COX16: variants seen among roughly 807,000 people sequenced by gnomAD.
COX16 encodes the protein cytochrome c oxidase assembly factor COX16.
In COX16, 12 loss-of-function variants were observed where a neutral mutation model predicts 15.4. The observed-to-expected ratio is 0.78, with a 90% CI of 0.50 to 1.26. The LOEUF (loss-of-function observed/expected upper bound fraction) is 1.26. COX16 is among the 50% of genes most tolerant of loss of function. The pLI is 0.00. For synonymous variants in COX16, 46 were observed against 41.1 expected (o/e 1.12, Z -0.46); for missense variants, 124 against 127.6 (o/e 0.97, Z 0.14).
chr14:70,357,740 A>G (rs1312251405), intron 1 of COX16, among the ~76,000 whole-genome samples: 1 of 152,226 alleles, frequency 6.6e-6, no homozygotes, highest in Non-Finnish European at 1.5e-5. Flanking sequence ...CAAAAGATGG[A>G]CAATAACAAG....
At chr14:70,334,888 C>T (rs2140697864) in intron 2 of COX16, among the ~76,000 whole-genome samples, 2 of 152,282 alleles carry the variant, frequency 1.3e-5, no homozygotes, top group South Asian at 4.2e-4. Context: ...GGACTACACT[C>T]TCCAGTTAGA....
At position 70,325,915 on chromosome 14, in the gene COX16, A is replaced by G. The variant is rs1886054267; in HGVS notation, c.*418T>C. On this transcript the variant is annotated 3_prime_UTR_variant, in exon 4 of 4. Coordinates refer to ENST00000389912, the MANE Select transcript of COX16 (RefSeq NM_016468.7). ...AGATATGAGAGAAAATTACTGCTTG[A>G]TTTTACTGTGAGAATTTGGATCCAG... 6.6e-6 allele frequency: 1 copy of G among 152,440 alleles called. No individual in the cohort carries two copies. The highest frequency in any genetic ancestry group is 6.5e-5 in the Admixed American group (1 of 15,292). 9.4% of individuals were successfully genotyped at this position (152,440 alleles called of 1,614,324 possible). A position where few individuals can be genotyped will look rare whatever the true frequency, so the allele number is the denominator to read the frequency against.
chr14:70,353,609 G>C (rs1049217170), intron 1 of COX16, among the ~76,000 whole-genome samples: 1 of 151,840 alleles, frequency 6.6e-6, no homozygotes, highest in East Asian at 1.9e-4. Flanking sequence ...CACCTCCCAG[G>C]CTCAAGTAAT....
intron 2 of COX16, among the ~76,000 whole-genome samples, chr14:70,333,593 A>G (rs1286399249): frequency 6.6e-6 from 1 of 152,216 alleles, no homozygotes; most frequent in Non-Finnish European, 1.5e-5. Flanking sequence ...CTATGGAACA[A>G]CATAAAAACA....
rs145108651 is a variant in COX16, at chr14:70,335,625, A to T, written c.142-6389T>A. On this transcript the variant is annotated intron_variant, in intron 2 of 3. Transcript: ENST00000389912. The stretch of plus-strand genomic sequence containing the variant: ...AGTTAAAAAAAAAAAAAAAGGACCA[A>T]ATTTTTAAAATTTATGGAAACAAAT... 1.3e-3 allele frequency among the ~76,000 whole-genome samples: 193 copies of T among 151,554 alleles called. 1 individual carries two copies. The highest frequency in any genetic ancestry group is 3.6e-3 in the African/African-American group (148 of 41,270).
chr14:70,344,167 C>T (rs1218216196), intron 1 of COX16, among the ~76,000 whole-genome samples: 1 of 152,218 alleles, frequency 6.6e-6, no homozygotes, highest in Non-Finnish European at 1.5e-5. Context: ...TTAGGTTTTA[C>T]AATAGCGATG....
Position 70,359,663 on chromosome 14 carries a change from C to A in COX16, c.-76G>T. 7.6e-7 allele frequency: 1 copy of A among 1,318,312 alleles called. No individual in the cohort carries two copies. Among genetic ancestry groups the A allele is most frequent in the Non-Finnish European group, 1.1e-6 (1 of 914,610 alleles). The allele number at this position is 1,318,312 out of a possible 1,614,324, so 81.7% of individuals were successfully genotyped here. On this transcript the variant is annotated 5_prime_UTR_variant, in exon 1 of 4. Transcript: ENST00000389912. The stretch of plus-strand genomic sequence containing the variant: ...CCCAAATCTCAGCAGCTCACGCTCT[C>A]ACCAAGACGAGTACGTCCTTAACTC...
chr14:70,326,388 T>C lies in COX16; in HGVS notation c.266A>G (p.Asp89Gly). 6.2e-7 allele frequency: 1 copy of C among 1,600,174 alleles called. No homozygotes were observed. The highest frequency in any genetic ancestry group is 8.5e-7 in the Non-Finnish European group (1 of 1,172,774). Residue 89 changes from aspartate (D) to glycine (G), a missense_variant, in exon 4 of 4, where the codon GAT becomes GGT. By Grantham distance (94) the Asp-to-Gly change is moderately conservative. Transcript: ENST00000389912. ...KNIRGPRPWE[D>G]PDLLQGRNPE... Reference sequence around the variant, plus strand: ...ATTTCTTCCTTGGAGGAGGTCAGGATCTTCCCAAGGCCTGGGTCCTCGAAT... The same window carrying C: ...ATTTCTTCCTTGGAGGAGGTCAGGACCTTCCCAAGGCCTGGGTCCTCGAAT...
In COX16 at chr14:70,325,610, T is replaced by C. The variant is rs528321754; in HGVS notation, c.*723A>G. 1 of 152,284 alleles carries C rather than the reference T, an allele frequency of 6.6e-6. No individual in the cohort carries two copies. The highest frequency in any genetic ancestry group is 6.5e-5 in the Admixed American group (1 of 15,296). 9.4% of individuals were successfully genotyped at this position (152,284 alleles called of 1,614,324 possible). On this transcript the variant is annotated 3_prime_UTR_variant, in exon 4 of 4. Transcript: ENST00000389912. ...AAAACAAAAACACTAGAGGGCAATTTTGCATGCAAATTATGCTAAGGCATA... is the reference window on the plus strand; with the variant it reads ...AAAACAAAAACACTAGAGGGCAATTCTGCATGCAAATTATGCTAAGGCATA...
chr14:70,351,771 GAAT>G (rs1397744664), intron 1 of COX16, among the ~76,000 whole-genome samples: 1 of 152,014 alleles, frequency 6.6e-6, no homozygotes, highest in Non-Finnish European at 1.5e-5. Flanking sequence ...ATGATTTCTG[GAAT>G]AATGTCACAG....
chr14:70,329,083 C>T (rs567584260), intron 3 of COX16, 91 bp downstream of exon 3: 31 of 1,196,252 alleles, frequency 2.6e-5, no homozygotes, highest in South Asian at 7.2e-5. Flanking sequence ...ATATATTCAA[C>T]GTAATTTTTT....
intron 1 of COX16, among the ~76,000 whole-genome samples, chr14:70,354,762 G>T (rs879152292): frequency 6.6e-6 from 1 of 152,010 alleles, no homozygotes; most frequent in Non-Finnish European, 1.5e-5. Context: ...ACCTGAGGGG[G>T]TGGCTTAAAC....
At chr14:70,341,599 A>G (rs1886625406) in intron 2 of COX16, among the ~76,000 whole-genome samples, 1 of 152,188 alleles carries the variant, frequency 6.6e-6, no homozygotes, top group South Asian at 2.1e-4. Context: ...GACCTTAGCC[A>G]ACTTAGATAA....
At chr14:70,329,278 T>C (rs1261458815) in intron 2 of COX16, 42 bp from the exon 3 acceptor site, 1 of 1,558,066 alleles carries the variant, frequency 6.4e-7, no homozygotes, top group African/African-American at 1.4e-5. Context: ...CTAAGTCTGT[T>C]TGTTAGACTC....
intron 2 of COX16, among the ~76,000 whole-genome samples, chr14:70,339,122 G>A (rs1483488312): frequency 6.6e-6 from 1 of 152,132 alleles, no homozygotes; most frequent in Non-Finnish European, 1.5e-5. Flanking sequence ...ACAACAGGCA[G>A]GCAAAGTCGA....
At chr14:70,326,964 T>C (rs1415784726) in intron 3 of COX16, among the ~76,000 whole-genome samples, 1 of 152,164 alleles carries the variant, frequency 6.6e-6, no homozygotes, top group South Asian at 2.1e-4. Context: ...TTTGGGCAAC[T>C]GAAACTAACT....
rs576792348 is a variant in COX16, at chr14:70,333,029, G to A, written c.142-3793C>T. On this transcript the variant is annotated intron_variant, in intron 2 of 3. Transcript: ENST00000389912. ...TTGGGCACTCTCTAGGGCTGAGGCAGCTCAGGTGGACACAGGCTCAGGGAA... is the reference window on the plus strand; with the variant it reads ...TTGGGCACTCTCTAGGGCTGAGGCAACTCAGGTGGACACAGGCTCAGGGAA... Among the ~76,000 whole-genome samples, 48 of 152,320 alleles carry A rather than the reference G, an allele frequency of 3.2e-4. 1 individual carries two copies. The highest frequency in any genetic ancestry group is 5.4e-4 in the Non-Finnish European group (37 of 68,022).
At chr14:70,330,463 C>T (rs1886247186) in intron 2 of COX16, among the ~76,000 whole-genome samples, 1 of 152,122 alleles carries the variant, frequency 6.6e-6, no homozygotes, top group Admixed American at 6.5e-5. Flanking sequence ...GCCAGTGTAA[C>T]AAACACTCTG....
chr14:70,332,392 T>G (rs1364598177), intron 2 of COX16, among the ~76,000 whole-genome samples: 2 of 152,122 alleles, frequency 1.3e-5, no homozygotes, highest in Non-Finnish European at 2.9e-5. Flanking sequence ...TTGCTGTAGT[T>G]GAGAAACGAT....
Sources: allele counts gnomAD v4.1 joint callset (sites outside exome capture counted in the v4.1 genomes callset), GRCh38; gene constraint gnomAD v4.1.1; transcripts MANE v1.5; gene names NCBI Gene and HGNC (gene_info 2026-07-23, HGNC 2026-07-21).